The following GLIS3 variants were observed in gnomAD, a reference collection of about 807,000 sequenced individuals.
GLIS3 encodes the protein zinc finger protein GLIS3.
In GLIS3, 53 loss-of-function variants were observed where a neutral mutation model predicts 78.6. The ratio of observed to expected loss-of-function variants is 0.67; its 90% CI spans 0.54 to 0.85. The LOEUF is 0.85. Among genes scored for constraint, GLIS3 ranks in the 40% least tolerant of loss-of-function variants. GLIS3 has a pLI of 0.00. For missense variants in GLIS3, 1,703 were observed against 1,231.1 expected (o/e 1.38, Z -5.74); for synonymous variants, 684 against 509.9 (o/e 1.34, Z -4.60).
At chr9:4,069,975 G>A (rs1472582034) in intron 4 of GLIS3, among the ~76,000 whole-genome samples, 1 of 152,040 alleles carries the variant, frequency 6.6e-6, no homozygotes, top group Non-Finnish European at 1.5e-5. Context: ...CAGAGGCCAG[G>A]AGAGACCCAG....
chr9:4,317,891 CCTT>C (rs1817464967), intron 2 of GLIS3, among the ~76,000 whole-genome samples: 1 of 152,180 alleles, frequency 6.6e-6, no homozygotes. Flanking sequence ...TTATCAATAA[CCTT>C]CTTCAGCCTT....
chr9:3,960,445 C>G (rs1271696640), intron 4 of GLIS3, among the ~76,000 whole-genome samples: 2 of 152,176 alleles, frequency 1.3e-5, no homozygotes, highest in Non-Finnish European at 2.9e-5. Context: ...GCATTTGCCA[C>G]CATCTGGAAT....
At chr9:4,050,474 C>G (rs918812608) in intron 4 of GLIS3, among the ~76,000 whole-genome samples, 1 of 152,058 alleles carries the variant, frequency 6.6e-6, no homozygotes, top group Non-Finnish European at 1.5e-5. Context: ...GGAGGGATAG[C>G]GTTAGGTGAA....
the GLIS3 span, among the ~76,000 whole-genome samples, chr9:4,374,308 C>T: frequency 6.6e-6 from 1 of 152,240 alleles, no homozygotes; most frequent in Non-Finnish European, 1.5e-5. Context: ...TTACTCCCTG[C>T]TTTATCTATC....
At chr9:3,898,021 G>C (rs1822987073) in intron 7 of GLIS3, among the ~76,000 whole-genome samples, 1 of 152,170 alleles carries the variant, frequency 6.6e-6, no homozygotes, top group African/African-American at 2.4e-5. Context: ...GTTTGCATAA[G>C]TATATCACCA....
intron 6 of GLIS3, among the ~76,000 whole-genome samples, chr9:3,911,000 TAAATACAACAGAAC>T (rs1447304320): frequency 6.6e-6 from 1 of 152,210 alleles, no homozygotes; most frequent in Non-Finnish European, 1.5e-5. Context: ...CAGGACAGAA[TAAATACAACAGAAC>T]AAACATATCC....
At chr9:3,886,609 C>A (rs1822091661) in intron 7 of GLIS3, among the ~76,000 whole-genome samples, 1 of 152,186 alleles carries the variant, frequency 6.6e-6, no homozygotes, top group Admixed American at 6.6e-5. Context: ...ACTTTCCCTT[C>A]AGGCATTCTG....
At position 3,828,119 on chromosome 9, in the gene GLIS3, C is replaced by T; in HGVS notation, c.*153G>A. ...ATGATTCCTGCAAAGCTAGCTCTGC[C>T]ATTCAGTCCTGCCTTCTGAAAGAAC... is the stretch of plus-strand genomic sequence containing the variant. On this transcript the variant is annotated 3_prime_UTR_variant, in exon 11 of 11. Coordinates refer to ENST00000381971, the MANE Select transcript of GLIS3 (RefSeq NM_001042413.2). 3.7e-6 allele frequency: 3 copies of T among 817,422 alleles called. No homozygotes were observed. The highest frequency in any genetic ancestry group is 1.5e-5 in the South Asian group (1 of 66,088). The allele number at this position is 817,422 out of a possible 1,614,324, so 50.6% of individuals were successfully genotyped here.
chr9:3,929,527 C>G (rs576930350), intron 6 of GLIS3, among the ~76,000 whole-genome samples: 2 of 152,126 alleles, frequency 1.3e-5, no homozygotes, highest in African/African-American at 4.8e-5. Flanking sequence ...TGCCTTGTCA[C>G]TGGCCCCGAT....
chr9:4,041,946 T>C (rs946696365), intron 4 of GLIS3, among the ~76,000 whole-genome samples: 4 of 152,210 alleles, frequency 2.6e-5, no homozygotes, highest in Non-Finnish European at 5.9e-5. Context: ...AGTGTAATTC[T>C]GGACAAGTTT....
chr9:4,360,198 C>T, the GLIS3 span, among the ~76,000 whole-genome samples: 5 of 152,112 alleles, frequency 3.3e-5, no homozygotes, highest in African/African-American at 9.7e-5. Context: ...ATCACCCAAC[C>T]GCCTGACCCA....
the GLIS3 span, among the ~76,000 whole-genome samples, chr9:4,366,268 C>G: frequency 3.3e-5 from 5 of 152,222 alleles, no homozygotes; most frequent in Non-Finnish European, 7.3e-5. Flanking sequence ...ATCATATACC[C>G]AGCCAGAATC....
chr9:4,068,094 G>C (rs369067267), intron 4 of GLIS3, among the ~76,000 whole-genome samples: 4 of 152,212 alleles, frequency 2.6e-5, no homozygotes, highest in African/African-American at 9.6e-5. Context: ...TTAGAAAATG[G>C]AGAAGTGTTA....
the GLIS3 span, among the ~76,000 whole-genome samples, chr9:4,409,600 A>G: frequency 6.6e-6 from 1 of 152,216 alleles, no homozygotes. Flanking sequence ...GGGTGATGTC[A>G]TAAACAAAGA....
At chr9:3,829,765 C>T (rs1222833394) in intron 9 of GLIS3, among the ~76,000 whole-genome samples, 1 of 152,192 alleles carries the variant, frequency 6.6e-6, no homozygotes, top group Non-Finnish European at 1.5e-5. Flanking sequence ...CTTCCCTAGA[C>T]TCTCTGAAGA....
chr9:4,372,075 G>A, the GLIS3 span, among the ~76,000 whole-genome samples: 1 of 152,122 alleles, frequency 6.6e-6, no homozygotes, highest in African/African-American at 2.4e-5. Flanking sequence ...TTGAAGATAT[G>A]ACTGAGTAAC....
chr9:4,187,719 G>A (rs534127351), intron 2 of GLIS3, among the ~76,000 whole-genome samples: 71 of 152,266 alleles, frequency 4.7e-4, no homozygotes, highest in Non-Finnish European at 8.5e-4. Flanking sequence ...CACATCCCTT[G>A]TAAGTTGGAT....
intron 2 of GLIS3, among the ~76,000 whole-genome samples, chr9:4,200,150 C>A (rs4741914): frequency 0.44 from 67,463 of 151,842 alleles, 15,322 homozygotes; most frequent in African/African-American, 0.54. Flanking sequence ...GGGATGCAGA[C>A]AAAGCAGCGC....
rs187913007 is a variant in GLIS3 at position 4,011,462 on chromosome 9, A to G, written c.1711-74273T>C. Reference sequence around the variant, plus strand: ...TGGCCTGAGTGTCTTAGGTCCTATTAGCAAGGCCTTGGGGAACAGATGTTG... The same window carrying G: ...TGGCCTGAGTGTCTTAGGTCCTATTGGCAAGGCCTTGGGGAACAGATGTTG... On this transcript the variant is annotated intron_variant, in intron 4 of 10. Coordinates refer to ENST00000381971, the MANE Select transcript of GLIS3 (RefSeq NM_001042413.2). Among the ~76,000 whole-genome samples, 29 of 152,330 alleles carry G rather than the reference A, an allele frequency of 1.9e-4. 1 individual carries two copies. Among genetic ancestry groups the G allele is most frequent in the African/African-American group, 6.7e-4 (28 of 41,568 alleles).
Sources: gnomAD v4.1 joint callset for allele counts (sites outside exome capture counted in the v4.1 genomes callset) on GRCh38, gnomAD v4.1.1 for gene constraint, MANE v1.5 for transcripts, NCBI Gene and HGNC (gene_info 2026-07-23, HGNC 2026-07-21) for gene names.